Variants in TTN observed in about 807,000 individuals in gnomAD.
The protein encoded by TTN is connectin.
In TTN, 1,525 loss-of-function variants were observed where a neutral mutation model predicts 3,223.0. The observed-to-expected ratio is 0.47, with a 90% CI of 0.45 to 0.49. The LOEUF is 0.49. Among genes scored for constraint, TTN ranks in the 20% least tolerant of loss-of-function variants. The pLI is 0.00. For missense variants in TTN, 40,786 were observed against 43,424.0 expected, an observed-to-expected ratio of 0.94 and a Z score of 5.40; for synonymous variants, 14,094 against 15,161.0, an observed-to-expected ratio of 0.93 and a Z score of 5.17.
chr2:178,704,436 T>C, intron 105 of TTN, 29 bp from the exon 106 acceptor site: 1 of 1,606,218 alleles, frequency 6.2e-7, no homozygotes, highest in Non-Finnish European at 8.5e-7. Context: ...ACGCATTTTG[T>C]TCAATATCAC....
intron 138 of TTN, 128 bp from the exon 139 acceptor site, chr2:178,680,459 A>G: frequency 2.6e-6 from 2 of 780,738 alleles, no homozygotes; most frequent in Non-Finnish European, 4.3e-6. Flanking sequence ...GCGATTGTTC[A>G]TCTTTAAGAA....
In TTN at chr2:178,557,269, C is replaced by T. The variant is rs2154155505; in HGVS notation, c.87993G>A (p.Leu29331=). Residue 29331 remains leucine (L), a synonymous_variant, in exon 329 of 363, where the codon TTG becomes TTA. Coordinates refer to ENST00000589042, the MANE Select transcript of TTN (RefSeq NM_001267550.2). Reference sequence around the variant, plus strand: ...AATACGTACCACAAGCATCAATTGCCAAGACTGGTTCAGAAGGATGGCTAG... The same window carrying T: ...AATACGTACCACAAGCATCAATTGCTAAGACTGGTTCAGAAGGATGGCTAG... The part of the protein sequence containing the change: ...GKPSHPSEPV[L]AIDACEPPRN... 6.2e-7 allele frequency: 1 copy of T among 1,613,860 alleles called. No homozygotes were observed.
chr2:178,649,735 T>G (rs1164705638), intron 211 of TTN, 82 bp downstream of exon 211: 1 of 1,557,730 alleles, frequency 6.4e-7, no homozygotes. Context: ...TTAACAAACA[T>G]ATAATACAAC....
rs2154227987 is a variant in TTN, at chr2:178,634,666, T to C, written c.42152-37A>G. On this transcript the variant is annotated intron_variant, in intron 229 of 362. Coordinates refer to ENST00000589042, the MANE Select transcript of TTN (RefSeq NM_001267550.2). This position sits in a 1 kb window ranked among gnomAD's most constrained non-coding sequence, Gnocchi z 4.6. ...ACATTAAGAATGAGGCTTTTCAGAATGCACAGGGAAGTGAAATAAAGTTGA... is the reference window on the plus strand; with the variant it reads ...ACATTAAGAATGAGGCTTTTCAGAACGCACAGGGAAGTGAAATAAAGTTGA... 1 of 1,611,202 alleles carries C rather than the reference T, an allele frequency of 6.2e-7. No homozygotes were observed. The highest frequency in any genetic ancestry group is 1.1e-5 in the South Asian group (1 of 90,418).
In TTN at chr2:178,634,720, T is replaced by C. The variant is rs770439451; in HGVS notation, c.42151+3A>G. The C allele has an allele frequency of 1.2e-6, 2 of 1,613,054 alleles. No homozygotes were observed. The highest frequency in any genetic ancestry group is 1.7e-5 in the Admixed American group (1 of 59,928). On this transcript the variant is annotated splice_donor_region_variant and intron_variant, in intron 229 of 362. Coordinates refer to ENST00000589042, the MANE Select transcript of TTN (RefSeq NM_001267550.2). This position sits in a 1 kb window ranked among gnomAD's most constrained non-coding sequence, Gnocchi z 4.6. ...CCCTCCCCAAATTCTAAAAGCCCCA[T>C]ACCTTTTACTGTCAAAATGGCAGTT...
chr2:178,611,190 G>A lies in TTN; in HGVS notation c.50939C>T (p.Ala16980Val). 6.2e-7 allele frequency: 1 copy of A among 1,612,752 alleles called. No individual in the cohort carries two copies. The highest frequency in any genetic ancestry group is 8.5e-7 in the Non-Finnish European group (1 of 1,179,260). ...EKLSIPVPFR[A>V]VPVPTVSWHK... ...CCAACTAACAGTTGGAACTGGGACA[G>A]CTCTGAAGGGAACAGGAATGCTTAA... The change falls in exon 270 of 363, where the codon GCT becomes GTT. Residue 16980 changes from alanine to valine, a missense_variant. Ala to Val is a moderately conservative substitution (Grantham distance 64). Transcript: ENST00000589042.
rs749194310 is a variant in TTN, at chr2:178,565,250, G to A, written c.80882C>T (p.Ala26961Val). The A allele has an allele frequency of 2.3e-4, 374 of 1,613,496 alleles. No individual in the cohort carries two copies. Among genetic ancestry groups the A allele is most frequent in the Non-Finnish European group, 3.1e-4 (370 of 1,179,692 alleles). Residue 26961 changes from alanine (A) to valine (V), a missense_variant, in exon 326 of 363, where the codon GCA (alanine) becomes GTA (valine). Ala to Val is a moderately conservative substitution (Grantham distance 64). Coordinates refer to ENST00000589042, the MANE Select transcript of TTN (RefSeq NM_001267550.2). ...AACGATAACACTGAGATTTTCTGTT[G>A]CTGTGCCTGCACTATTTGTTGCCGT... ...TVTATNSAGT[A>V]TENLSVIVLE...
In TTN at chr2:178,620,125, T is replaced by C; in HGVS notation, c.46305-13A>G. ...TTCAAATTTGTATCTAAAGGAGACA[T>C]TGGATTATCAGTTAGCTTGCAATGA... is the stretch of plus-strand genomic sequence containing the variant. On this transcript the variant is annotated splice_polypyrimidine_tract_variant and intron_variant, in intron 248 of 362. Transcript: ENST00000589042. 1.2e-6 allele frequency: 2 copies of C among 1,605,502 alleles called. No individual in the cohort carries two copies. Among genetic ancestry groups the C allele is most frequent in the South Asian group, 1.1e-5 (1 of 88,620 alleles).
rs1304915212 is a variant in TTN at position 178,715,017 on chromosome 2, G to T, written c.26169C>A (p.Ser8723Arg). 2 of 1,612,270 alleles carry T rather than the reference G, an allele frequency of 1.2e-6. No individual in the cohort carries two copies. Among genetic ancestry groups the T allele is most frequent in the Admixed American group, 1.7e-5 (1 of 59,944 alleles). The change falls in exon 90 of 363, where the codon AGC (serine) becomes AGA (arginine). Residue 8723 changes from serine to arginine, a missense_variant. Physicochemically the swap from Ser to Arg is moderately radical, Grantham distance 110. Coordinates refer to ENST00000589042, the MANE Select transcript of TTN (RefSeq NM_001267550.2). ...YQCKATNDVG[S>R]DTCVGSIALK... ...GAGCGATGGAACCAACGCAAGTGTCGCTTCCCACATCATTTGTGGCTTTAC... is the reference window on the plus strand; with the variant it reads ...GAGCGATGGAACCAACGCAAGTGTCTCTTCCCACATCATTTGTGGCTTTAC...
intron 263 of TTN, 28 bp downstream of exon 263, chr2:178,613,723 A>G: frequency 6.2e-7 from 1 of 1,604,546 alleles, no homozygotes. Flanking sequence ...CTGCTGTCTT[A>G]ACATCTTGAT....
In TTN at chr2:178,724,539, C is replaced by T. The variant is rs1553914337; in HGVS notation, c.20837-1G>A. ...GCCTTCTCAACAATGACTGCGGGCT[C>T]TGAAATAAAACGTGATATCCATCTG... is the stretch of plus-strand genomic sequence containing the variant. On this transcript the variant is annotated splice_acceptor_variant, in intron 71 of 362. Transcript: ENST00000589042. LOFTEE classifies it high-confidence loss of function. The T allele has an allele frequency of 1.3e-6, 2 of 1,578,526 alleles. No individual in the cohort carries two copies. The highest frequency in any genetic ancestry group is 8.6e-7 in the Non-Finnish European group (1 of 1,159,850).
In TTN at chr2:178,724,002, C is replaced by A; in HGVS notation, c.21257G>T (p.Ser7086Ile). Residue 7086 changes from serine (S) to isoleucine (I), a missense_variant, in exon 73 of 363, where the codon AGT becomes ATT. Ser to Ile is a moderately radical substitution (Grantham distance 142). Transcript: ENST00000589042. Reference sequence around the variant, plus strand: ...AAATGTGGTTTGGTACTTTGCTCCACTGACAATCTTGGTTTTCTCATGAAA... The same window carrying A: ...AAATGTGGTTTGGTACTTTGCTCCAATGACAATCTTGGTTTTCTCATGAAA... ...AWFHEKTKIV[S>I]GAKYQTTFSD... The A allele has an allele frequency of 6.2e-7, 1 of 1,613,596 alleles. No individual in the cohort carries two copies. The highest frequency in any genetic ancestry group is 8.5e-7 in the Non-Finnish European group (1 of 1,179,638).
rs765688561 is a variant in TTN, at chr2:178,539,144, C to T, written c.98791G>A (p.Gly32931Ser). ...PKDDGGSRVT[G>S]YYIERKETST... ...GTCTCTTTGCGTTCGATGTAGTAGC[C>T]TGTGACTCTAGAACCACCATCATCT... Residue 32931 changes from glycine (G) to serine (S), a missense_variant, in exon 353 of 363, where the codon GGC (glycine) becomes AGC (serine). Gly to Ser is a moderately conservative substitution (Grantham distance 56, BLOSUM62 0). Coordinates refer to ENST00000589042, the MANE Select transcript of TTN (RefSeq NM_001267550.2). The T allele has an allele frequency of 8.7e-6, 14 of 1,613,640 alleles. No individual in the cohort carries two copies. In the Admixed American group the frequency reaches 1.8e-4, roughly 21 times the overall value.
In TTN at chr2:178,567,651, A is replaced by G. The variant is rs876658082; in HGVS notation, c.78481T>C (p.Phe26161Leu). 1 of 1,612,330 alleles carries G rather than the reference A, an allele frequency of 6.2e-7. No individual in the cohort carries two copies. Among genetic ancestry groups the G allele is most frequent in the Non-Finnish European group, 8.5e-7 (1 of 1,178,950 alleles). The change falls in exon 326 of 363, where the codon TTC becomes CTC. Residue 26161 changes from phenylalanine (F) to leucine (L), a missense_variant. Transcript: ENST00000589042. The stretch of plus-strand genomic sequence containing the variant: ...GCTGCATTCTTTGCAATGACTCTGA[A>G]TTCATATCTTTGATCTTCAGTAAGA... The part of the protein sequence containing the change: ...SGLTEDQRYE[F>L]RVIAKNAAGA...
At chr2:178,686,936 A>G (rs2071080036) in intron 127 of TTN, among the ~76,000 whole-genome samples, 1 of 152,230 alleles carries the variant, frequency 6.6e-6, no homozygotes, top group African/African-American at 2.4e-5. Flanking sequence ...GAAAAGATGG[A>G]GTCGTCTTCA....
chr2:178,565,615 A>G lies in TTN; in HGVS notation c.80517T>C (p.Val26839=). 1 of 1,613,626 alleles carries G rather than the reference A, an allele frequency of 6.2e-7. No homozygotes were observed. Among genetic ancestry groups the G allele is most frequent in the Non-Finnish European group, 8.5e-7 (1 of 1,179,632 alleles). The part of the protein sequence containing the change: ...IVAESKVCNA[V]VTGLSSGQEY... ...CTTGTCCAGAACTCAAACCAGTAAC[A>G]ACTGCATTACAGACTTTGGATTCAG... is the stretch of plus-strand genomic sequence containing the variant. Residue 26839 remains valine, a synonymous_variant, in exon 326 of 363, where the codon GTT becomes GTC. Transcript: ENST00000589042.
rs764402916 is a variant in TTN at position 178,532,279 on chromosome 2, G to C, written c.104336C>G (p.Thr34779Ser). ...EDEELLRPVT[T>S]TQHLSEYKSE... ...TTTGTATTCTGAGAGATGCTGGGTG[G>C]TCGTAACTGGGCGAAGCAACTCTTC... is the stretch of plus-strand genomic sequence containing the variant. Residue 34779 changes from threonine (T) to serine (S), a missense_variant, in exon 358 of 363, where the codon ACC becomes AGC. By Grantham distance (58) the Thr-to-Ser change is moderately conservative. Transcript: ENST00000589042. The C allele has an allele frequency of 6.2e-7, 1 of 1,613,866 alleles. No homozygotes were observed. The highest frequency in any genetic ancestry group is 8.5e-7 in the Non-Finnish European group (1 of 1,179,880).
At chr2:178,695,103 G>A (rs953605155) in intron 115 of TTN, among the ~76,000 whole-genome samples, 197 bp from the exon 116 acceptor site, 2 of 151,288 alleles carry the variant, frequency 1.3e-5, no homozygotes, top group East Asian at 1.9e-4. Context: ...TGAACTCTGG[G>A]TACAAGTTTC....
Position 178,574,281 on chromosome 2 carries a change from T to C in TTN, c.71851A>G (p.Thr23951Ala). ...TAACTGGTAATTTTAAAGCCCCCAGTATATTCAGGCTTAGCCCATTTAAGT... is the reference window on the plus strand; with the variant it reads ...TAACTGGTAATTTTAAAGCCCCCAGCATATTCAGGCTTAGCCCATTTAAGT... ...VTLKWAKPEY[T>A]GGFKITSYIV... Residue 23951 changes from threonine to alanine, a missense_variant, in exon 326 of 363, where the codon ACT (threonine) becomes GCT (alanine). Thr to Ala is a moderately conservative substitution (Grantham distance 58, BLOSUM62 0). Transcript: ENST00000589042. 3 of 1,613,294 alleles carry C rather than the reference T, an allele frequency of 1.9e-6. No homozygotes were observed. Among genetic ancestry groups the C allele is most frequent in the Non-Finnish European group, 2.5e-6 (3 of 1,179,506 alleles).
Sources: allele counts gnomAD v4.1 joint callset (sites outside exome capture counted in the v4.1 genomes callset), GRCh38; gene constraint gnomAD v4.1.1; non-coding constraint Gnocchi (gnomAD v3.1); transcripts MANE v1.5; gene names NCBI Gene and HGNC (gene_info 2026-07-23, HGNC 2026-07-21).